The following ADSL variants were observed in gnomAD, a reference collection of about 807,000 sequenced individuals.
ADSL encodes the protein adenylosuccinate lyase.
A neutral mutation model predicts 62.1 loss-of-function variants in ADSL; 44 were observed. That is an observed-to-expected ratio of 0.71 (90% CI 0.56 to 0.91). ADSL has a LOEUF of 0.91. ADSL is among the 40% of genes least tolerant of loss of function. The pLI, the probability that ADSL is intolerant of heterozygous loss-of-function variation, is 0.00. For synonymous variants in ADSL, 198 were observed against 220.5 expected, an observed-to-expected ratio of 0.90 and a Z score of 0.90; for missense variants, 531 against 627.4, an observed-to-expected ratio of 0.85 and a Z score of 1.64.
At chr22:40,379,113 G>A (rs1300958188) in intron 2 of ADSL, among the ~76,000 whole-genome samples, 1 of 152,114 alleles carries the variant, frequency 6.6e-6, no homozygotes, top group Non-Finnish European at 1.5e-5. Context: ...CATACAGTGT[G>A]GTCTCTTATT....
intron 2 of ADSL, among the ~76,000 whole-genome samples, chr22:40,375,888 A>G (rs2046470002): frequency 6.6e-6 from 1 of 151,966 alleles, no homozygotes; most frequent in South Asian, 2.1e-4. Flanking sequence ...AAAATTTCTA[A>G]AAATTAACCA....
intron 1 of ADSL, among the ~76,000 whole-genome samples, chr22:40,349,439 A>G (rs1203478395): frequency 6.6e-6 from 1 of 150,588 alleles, no homozygotes; most frequent in Non-Finnish European, 1.5e-5. Context: ...CAGTGCCGCA[A>G]TCTTGGCTCA....
rs368945643 is a variant in ADSL at position 40,361,230 on chromosome 22, C to T, written c.793-43C>T. ...GTCACAGCTCCCAGACTCTACTGCA[C>T]ACTGACAGTGTGGGGTGATGCTTAT... On this transcript the variant is annotated intron_variant, in intron 7 of 12. Transcript: ENST00000623063. The T allele has an allele frequency of 5.1e-6, 8 of 1,581,430 alleles. No homozygotes were observed. In the African/African-American group the frequency reaches 9.4e-5, roughly 19 times the overall value.
At chr22:40,361,012 T>C (rs1601587972) in intron 7 of ADSL, 2 of 530,584 alleles carry the variant, frequency 3.8e-6, no homozygotes, top group East Asian at 7.0e-5. Context: ...GAATTAATCT[T>C]GTGATTTTCT....
In ADSL at chr22:40,360,500, G is replaced by A. The variant is rs777198113; in HGVS notation, c.792+8G>A. The A allele has an allele frequency of 1.2e-6, 2 of 1,609,564 alleles. No homozygotes were observed. The highest frequency in any genetic ancestry group is 4.5e-5 in the East Asian group (2 of 44,852). ...GGGGCATCAGTGCACAAGGTGAGTG[G>A]TGGCAGCATGTGGGGTGGGGACAGG... On this transcript the variant is annotated splice_region_variant and intron_variant, in intron 7 of 12. Transcript: ENST00000623063.
chr22:40,362,136 A>G (rs967848912), intron 9 of ADSL, among the ~76,000 whole-genome samples: 2 of 152,202 alleles, frequency 1.3e-5, no homozygotes, highest in African/African-American at 4.8e-5. Context: ...CATCTTGATT[A>G]GTTATGAGAT....
downstream of ADSL, chr22:40,372,761 CT>C (rs1173419922): frequency 1.3e-5 from 2 of 152,136 alleles, no homozygotes; most frequent in African/African-American, 2.4e-5. Flanking sequence ...GGCTCAGAAG[CT>C]TAAAAAAAGC....
intron 4 of ADSL, among the ~76,000 whole-genome samples, chr22:40,354,554 C>A (rs1307356322): frequency 1.3e-5 from 2 of 152,054 alleles, no homozygotes; most frequent in Non-Finnish European, 2.9e-5. Flanking sequence ...GAAAAATATT[C>A]TTTATGATAG....
Position 40,361,539 on chromosome 22 carries a change from G to A in ADSL, c.914G>A (p.Cys305Tyr). The change falls in exon 9 of 13, where the codon TGC (cysteine) becomes TAC (tyrosine). Residue 305 changes from cysteine to tyrosine, a missense_variant. This residue lies in a region of ADSL where 471 missense variants were observed against 592.9 expected (regional missense o/e 0.79). Transcript: ENST00000623063. ...KRNPMRSERCCSLARHLMTLV... is the reference protein window; with the variant it reads ...KRNPMRSERCYSLARHLMTLV... ...AATCCCATGCGTTCAGAACGTTGCTGCAGTCTTGCCCGCCACCTGATGACC... is the reference window on the plus strand; with the variant it reads ...AATCCCATGCGTTCAGAACGTTGCTACAGTCTTGCCCGCCACCTGATGACC... 6.2e-7 allele frequency: 1 copy of A among 1,614,212 alleles called. No individual in the cohort carries two copies. Among genetic ancestry groups the A allele is most frequent in the Non-Finnish European group, 8.5e-7 (1 of 1,180,042 alleles).
rs2045021081 is a variant in ADSL at position 40,366,780 on chromosome 22, G to A, written c.*258G>A. 4.6e-6 allele frequency: 2 copies of A among 437,180 alleles called. No homozygotes were observed. The highest frequency in any genetic ancestry group is 3.6e-5 in the Admixed American group (1 of 27,618). 27.1% of individuals were successfully genotyped at this position (437,180 alleles called of 1,614,324 possible). A position where few individuals can be genotyped will look rare whatever the true frequency, so the allele number is the denominator to read the frequency against. On this transcript the variant is annotated 3_prime_UTR_variant, in exon 13 of 13. Transcript: ENST00000623063. ...TTCTTTCAAGGCATATTTTCCAGCT[G>A]CCTCAAGTTTAGTCCTTTTCACGTG...
At position 40,367,768 on chromosome 22, in the gene ADSL, G is replaced by A. The variant is rs1267071264; in HGVS notation, c.*1246G>A. ...AGATTTGCAGATGACACAAAACTGGGAGAATTAACAAGTATGTTTATTTGG... is the reference window on the plus strand; with the variant it reads ...AGATTTGCAGATGACACAAAACTGGAAGAATTAACAAGTATGTTTATTTGG... On this transcript the variant is annotated 3_prime_UTR_variant, in exon 13 of 13. Transcript: ENST00000623063. The A allele has an allele frequency of 6.4e-6, 1 of 156,362 alleles. No homozygotes were observed. The highest frequency in any genetic ancestry group is 1.5e-5 in the Non-Finnish European group (1 of 68,062). The allele number at this position is 156,362 out of a possible 1,614,324, so 9.7% of individuals were successfully genotyped here.
chr22:40,365,626 T>A lies in ADSL; in HGVS notation c.1368+570T>A, dbSNP rs746031033. 1.9e-4 allele frequency among the ~76,000 whole-genome samples: 29 copies of A among 152,134 alleles called. 1 individual carries two copies. The highest frequency in any genetic ancestry group is 3.4e-3 in the Middle Eastern group (1 of 294). On this transcript the variant is annotated intron_variant, in intron 12 of 12. Coordinates refer to ENST00000623063, the MANE Select transcript of ADSL (RefSeq NM_000026.4). ...GGCTCACACCAGTAATCCTAGCATTTTGGGAGGCCGAGGCAGGAGGATTGC... is the reference window on the plus strand; with the variant it reads ...GGCTCACACCAGTAATCCTAGCATTATGGGAGGCCGAGGCAGGAGGATTGC...
intron 2 of ADSL, among the ~76,000 whole-genome samples, chr22:40,351,207 G>C (rs911305254): frequency 1.3e-5 from 2 of 149,070 alleles, no homozygotes; most frequent in Non-Finnish European, 3.0e-5. Flanking sequence ...TTTTGCTCTT[G>C]TTGCCCAGGC....
At chr22:40,356,207 A>C (rs1414270419) in intron 4 of ADSL, among the ~76,000 whole-genome samples, 1 of 150,350 alleles carries the variant, frequency 6.7e-6, no homozygotes, top group East Asian at 2.0e-4. Context: ...ACCTCAAAAA[A>C]AAAAAAGAAA....
Position 40,363,164 on chromosome 22 carries a change from G to A in ADSL, c.1101+93G>A. 4 of 1,171,556 alleles carry A rather than the reference G, an allele frequency of 3.4e-6. No individual in the cohort carries two copies. In the South Asian group the frequency reaches 4.9e-5, roughly 14 times the overall value. The allele number at this position is 1,171,556 out of a possible 1,614,324, so 72.6% of individuals were successfully genotyped here. A position where few individuals can be genotyped will look rare whatever the true frequency, so the allele number is the denominator to read the frequency against. ...GGGTGTGTTGAGGGAGCTGTATTCTGATCCGATAGGCATTCTTCCCACCCG... is the reference window on the plus strand; with the variant it reads ...GGGTGTGTTGAGGGAGCTGTATTCTAATCCGATAGGCATTCTTCCCACCCG... On this transcript the variant is annotated intron_variant, in intron 10 of 12. Coordinates refer to ENST00000623063, the MANE Select transcript of ADSL (RefSeq NM_000026.4).
In ADSL at chr22:40,366,547, T is replaced by C; in HGVS notation, c.*25T>C. 2 of 1,526,476 alleles carry C rather than the reference T, an allele frequency of 1.3e-6. No individual in the cohort carries two copies. The highest frequency in any genetic ancestry group is 1.8e-6 in the Non-Finnish European group (2 of 1,100,162). 94.6% of individuals were successfully genotyped at this position (1,526,476 alleles called of 1,614,324 possible). On this transcript the variant is annotated 3_prime_UTR_variant, in exon 13 of 13. Coordinates refer to ENST00000623063, the MANE Select transcript of ADSL (RefSeq NM_000026.4). ...GAGTTGGAAGAGAATTAAACGAAAA[T>C]CATTGTTAATTGCTGAGGCATGAAA...
At chr22:40,381,238 C>T (rs2047521189) in intron 2 of ADSL, among the ~76,000 whole-genome samples, 1 of 151,956 alleles carries the variant, frequency 6.6e-6, no homozygotes, top group South Asian at 2.1e-4. Context: ...ACCTCCACCT[C>T]CAGGGCTCAG....
At chr22:40,355,450 G>A (rs775788880) in intron 4 of ADSL, among the ~76,000 whole-genome samples, 11 of 152,098 alleles carry the variant, frequency 7.2e-5, no homozygotes, top group Admixed American at 6.5e-5. Flanking sequence ...GAGCCACCGC[G>A]CCCGGCCTAG....
At chr22:40,375,737 A>T (rs1361211514) in intron 2 of ADSL, among the ~76,000 whole-genome samples, 1 of 151,662 alleles carries the variant, frequency 6.6e-6, no homozygotes, top group Non-Finnish European at 1.5e-5. Flanking sequence ...ATTAGCCTGC[A>T]AGCTAACACT....
Sources: allele counts gnomAD v4.1 joint callset (sites outside exome capture counted in the v4.1 genomes callset), GRCh38; gene constraint gnomAD v4.1.1; regional missense constraint gnomAD v4.1.1; transcripts MANE v1.5; gene names NCBI Gene and HGNC (gene_info 2026-07-23, HGNC 2026-07-21).